BCAM: variants seen among roughly 807,000 people sequenced by gnomAD.
BCAM encodes basal cell adhesion molecule (Lutheran blood group).
BCAM carries 61 observed loss-of-function variants against 72.4 expected under a neutral mutation model. The observed-to-expected ratio is 0.84, with a 90% confidence interval of 0.69 to 1.04. BCAM has a LOEUF of 1.04. Among genes scored for constraint, BCAM ranks in the 50% least tolerant of loss-of-function variants. The pLI is 0.00. For synonymous variants in BCAM, 408 were observed against 384.2 expected, an observed-to-expected ratio of 1.06 and a Z score of -0.73; for missense variants, 909 against 895.0, an observed-to-expected ratio of 1.02 and a Z score of -0.20.
Position 44,812,622 on chromosome 19 carries a change from G to A in BCAM, c.504+74G>A. 1 of 1,565,382 alleles carries A rather than the reference G, an allele frequency of 6.4e-7. No individual in the cohort carries two copies. The highest frequency in any genetic ancestry group is 8.7e-7 in the Non-Finnish European group (1 of 1,150,512). On this transcript the variant is annotated intron_variant, in intron 4 of 14. Transcript: ENST00000270233. The surrounding 1 kb of genome is among the most constrained non-coding windows in gnomAD (Gnocchi z 5.3). Reference sequence around the variant, plus strand: ...CAGGGCCCTGGACTCCTGGGTCTGAGGGAGGAGGGGCTGGGGACCCCTGGG... The same window carrying A: ...CAGGGCCCTGGACTCCTGGGTCTGAAGGAGGAGGGGCTGGGGACCCCTGGG...
In BCAM at chr19:44,818,902, G is replaced by A. The variant is rs1189597690; in HGVS notation, c.1336+20G>A. The A allele has an allele frequency of 1.2e-6, 2 of 1,610,826 alleles. No individual in the cohort carries two copies. Among genetic ancestry groups the A allele is most frequent in the Middle Eastern group, 1.7e-4 (1 of 6,038 alleles). ...TCCAAGGTTCAGGGGGCAGGGAGGG[G>A]GTGGGCTTGGATGGGGACAGTGTGG... On this transcript the variant is annotated intron_variant, in intron 10 of 14. Transcript: ENST00000270233. The surrounding 1 kb of genome is among the most constrained non-coding windows in gnomAD (Gnocchi z 4.6).
At chr19:44,816,442 C>T (rs1968504755) in intron 8 of BCAM, among the ~76,000 whole-genome samples, 1 of 152,198 alleles carries the variant, frequency 6.6e-6, no homozygotes, top group Non-Finnish European at 1.5e-5. Flanking sequence ...TCAACCAGTC[C>T]TCAGAGGTGT....
Position 44,821,254 on chromosome 19 carries a change from C to A in BCAM, c.*333C>A. On this transcript the variant is annotated 3_prime_UTR_variant, in exon 15 of 15. Transcript: ENST00000270233. ...GGCCGGAGCTATTTTTACCTCCCGC[C>A]TCCCCTGCTGGTCCCCCCACCTGAC... 3.1e-6 allele frequency: 1 copy of A among 326,620 alleles called. No individual in the cohort carries two copies. The highest frequency in any genetic ancestry group is 5.6e-6 in the Non-Finnish European group (1 of 178,366). 20.2% of individuals were successfully genotyped at this position (326,620 alleles called of 1,614,324 possible).
In BCAM at chr19:44,813,766, C is replaced by T. The variant is rs28399611; in HGVS notation, c.784+146C>T. On this transcript the variant is annotated intron_variant, in intron 6 of 14. Transcript: ENST00000270233. The surrounding 1 kb of genome is among the most constrained non-coding windows in gnomAD (Gnocchi z 4.2). ...AAAATGTGCTAGTGCTGGCCACTGA[C>T]CTCTGACCTCAATTGGTCGCACAAG... 4.2e-6 allele frequency: 5 copies of T among 1,176,788 alleles called. No homozygotes were observed. The highest frequency in any genetic ancestry group is 5.8e-6 in the Non-Finnish European group (5 of 857,620). 72.9% of individuals were successfully genotyped at this position (1,176,788 alleles called of 1,614,324 possible).
In BCAM at chr19:44,811,329, A is replaced by G. The variant is rs1205260636; in HGVS notation, c.187A>G (p.Met63Val). 1.2e-6 allele frequency: 2 copies of G among 1,611,642 alleles called. No individual in the cohort carries two copies. The highest frequency in any genetic ancestry group is 1.7e-6 in the Non-Finnish European group (2 of 1,178,718). Residue 63 changes from methionine to valine, a missense_variant, in exon 2 of 15, where the codon ATG becomes GTG. Transcript: ENST00000270233. ...CTPTGTHDHY[M>V]LEWFLTDRSG... ...CCCTACGGGAACCCACGACCATTAT[A>G]TGCTGGAATGGTTCCTTGTGAGTGC...
chr19:44,813,807 T>TGACCTCC lies in BCAM; in HGVS notation c.784+195_784+201dup. On this transcript the variant is annotated intron_variant, in intron 6 of 14. Transcript: ENST00000270233. The surrounding 1 kb of genome is among the most constrained non-coding windows in gnomAD (Gnocchi z 4.2). ...GTCGCACAAGCCCCATCCTGACCTC[T>TGACCTCC]GACCTCCGACCTCCACTTAGCACCC... 2.3e-6 allele frequency: 2 copies of TGACCTCC among 871,726 alleles called. No individual in the cohort carries two copies. Among genetic ancestry groups the TGACCTCC allele is most frequent in the Non-Finnish European group, 3.4e-6 (2 of 585,244 alleles). The allele number at this position is 871,726 out of a possible 1,614,324, so 54.0% of individuals were successfully genotyped here.
chr19:44,818,870 C>T lies in BCAM; in HGVS notation c.1324C>T (p.Leu442=). 1 of 1,613,968 alleles carries T rather than the reference C, an allele frequency of 6.2e-7. No homozygotes were observed. The highest frequency in any genetic ancestry group is 8.5e-7 in the Non-Finnish European group (1 of 1,179,928). ...PVLSRTQNFT[L]LVQGSPELKT... ...CCTCAGCCGCACCCAGAACTTCACG[C>T]TGCTGGTCCAAGGTTCAGGGGGCAG... is the stretch of plus-strand genomic sequence containing the variant. The change falls in exon 10 of 15, where the codon CTG becomes TTG. Residue 442 remains leucine, a synonymous_variant. Transcript: ENST00000270233. This position sits in a 1 kb window ranked among gnomAD's most constrained non-coding sequence, Gnocchi z 4.6.
chr19:44,820,684 C>T (rs376193948), intron 13 of BCAM, 21 bp from the exon 14 acceptor site: 17 of 1,401,672 alleles, frequency 1.2e-5, no homozygotes, highest in South Asian at 1.7e-5. Flanking sequence ...GACGCCTCCG[C>T]CCGCTGCCTC....
chr19:44,820,399 G>T, intron 13 of BCAM: 24 of 1,149,192 alleles, frequency 2.1e-5, no homozygotes, highest in Non-Finnish European at 2.4e-5. Flanking sequence ...ATCTAACCTT[G>T]TCTCCAGCCC....
intron 13 of BCAM, chr19:44,820,431 C>G: frequency 8.3e-7 from 1 of 1,211,700 alleles, no homozygotes; most frequent in Non-Finnish European, 1.0e-6. Flanking sequence ...CCGTCCTCAC[C>G]TCCAATCCGT....
At position 44,818,307 on chromosome 19, in the gene BCAM, G is replaced by A. The variant is rs1308464973; in HGVS notation, c.1079-215G>A. Among the ~76,000 whole-genome samples the A allele has an allele frequency of 6.6e-6, 1 of 152,096 alleles. No individual in the cohort carries two copies. The highest frequency in any genetic ancestry group is 1.5e-5 in the Non-Finnish European group (1 of 68,004). On this transcript the variant is annotated intron_variant, in intron 8 of 14. Coordinates refer to ENST00000270233, the MANE Select transcript of BCAM (RefSeq NM_005581.5). The surrounding 1 kb of genome is among the most constrained non-coding windows in gnomAD (Gnocchi z 4.6). Reference sequence around the variant, plus strand: ...GCTCTGAAGAAAAGTAATTGACTTGGGCATGTCAATGTTGGGGTTAGACTG... The same window carrying A: ...GCTCTGAAGAAAAGTAATTGACTTGAGCATGTCAATGTTGGGGTTAGACTG...
At chr19:44,811,624 C>A in intron 2 of BCAM, 1 of 395,716 alleles carries the variant, frequency 2.5e-6, no homozygotes, top group Non-Finnish European at 4.7e-6. Context: ...CGGTGGCTCA[C>A]GCCTGTAATC....
At position 44,820,953 on chromosome 19, in the gene BCAM, C is replaced by T. The variant is rs775952134; in HGVS notation, c.*32C>T. On this transcript the variant is annotated 3_prime_UTR_variant, in exon 15 of 15. Transcript: ENST00000270233. ...AACCTCCTAGAGGCTGTCCCTGGAC[C>T]TGGAGCTGCAGGCATCAGAGAACCA... The T allele has an allele frequency of 2.4e-5, 37 of 1,545,802 alleles. No individual in the cohort carries two copies. Among genetic ancestry groups the T allele is most frequent in the Non-Finnish European group, 2.7e-5 (31 of 1,146,226 alleles).
chr19:44,819,909 A>T, intron 13 of BCAM, 183 bp downstream of exon 13: 11 of 1,346,164 alleles, frequency 8.2e-6, no homozygotes, highest in Non-Finnish European at 1.0e-5. Flanking sequence ...AGACTAATCC[A>T]CAGCCATCCC....
At chr19:44,819,957 A>T in intron 13 of BCAM, 7 of 1,340,848 alleles carry the variant, frequency 5.2e-6, no homozygotes, top group Non-Finnish European at 6.7e-6. Flanking sequence ...CCCAAACCCA[A>T]CCCAGGGCCA....
Position 44,811,360 on chromosome 19 carries a change from G to A in BCAM, c.204+14G>A, listed in dbSNP as rs1968417340. 5 of 1,613,028 alleles carry A rather than the reference G, an allele frequency of 3.1e-6. No individual in the cohort carries two copies. The highest frequency in any genetic ancestry group is 1.7e-5 in the Admixed American group (1 of 59,972). On this transcript the variant is annotated intron_variant, in intron 2 of 14. Transcript: ENST00000270233. ...GAATGGTTCCTTGTGAGTGCTTGGG[G>A]CTGGGGGGCCTGGAGTCAGGGCACA...
rs1308842907 is a variant in BCAM at position 44,819,733 on chromosome 19, G to A, written c.1763+7G>A. On this transcript the variant is annotated splice_region_variant and intron_variant, in intron 13 of 14. Transcript: ENST00000270233. ...GGCGGGAGAAGGGGGCTCCGTGAGTGGCCTGCTATCTGCAATGACCACCAT... is the reference window on the plus strand; with the variant it reads ...GGCGGGAGAAGGGGGCTCCGTGAGTAGCCTGCTATCTGCAATGACCACCAT... The A allele has an allele frequency of 1.3e-6, 2 of 1,592,178 alleles. No homozygotes were observed. Among genetic ancestry groups the A allele is most frequent in the African/African-American group, 1.4e-5 (1 of 73,792 alleles).
Position 44,820,923 on chromosome 19 carries a change from C to G in BCAM, c.*2C>G, listed in dbSNP as rs748969175. 2 of 1,561,692 alleles carry G rather than the reference C, an allele frequency of 1.3e-6. No individual in the cohort carries two copies. The highest frequency in any genetic ancestry group is 1.4e-5 in the African/African-American group (1 of 73,306). ...TCTCCATCCGCTCCCCAGTGCTGAG[C>G]CAAGAACCTCCTAGAGGCTGTCCCT... On this transcript the variant is annotated 3_prime_UTR_variant, in exon 15 of 15. Transcript: ENST00000270233.
In BCAM at chr19:44,819,471, T is replaced by C; in HGVS notation, c.1599T>C (p.His533=). ...CCAACCCCCACGGGAACAAGCGCCA[T>C]GTCTTCCACTTCGGCACCGGTGAGT... ...EASNPHGNKR[H]VFHFGTVSPQ... Residue 533 remains histidine, a synonymous_variant, in exon 12 of 15, where the codon CAT becomes CAC. Transcript: ENST00000270233. 1 of 1,613,950 alleles carries C rather than the reference T, an allele frequency of 6.2e-7. No homozygotes were observed. Among genetic ancestry groups the C allele is most frequent in the Non-Finnish European group, 8.5e-7 (1 of 1,179,910 alleles).
Sources: allele counts gnomAD v4.1 joint callset (sites outside exome capture counted in the v4.1 genomes callset), GRCh38; gene constraint gnomAD v4.1.1; non-coding constraint Gnocchi (gnomAD v3.1); transcripts MANE v1.5; gene names NCBI Gene and HGNC (gene_info 2026-07-23, HGNC 2026-07-21).